The following ITGB8 variants were observed in gnomAD, a reference collection of about 807,000 sequenced individuals.
ITGB8 encodes the protein integrin subunit beta 8, also known as integrin beta-8.
Under a neutral mutation model 89.5 loss-of-function variants are expected in ITGB8, and 30 were observed. That is an observed-to-expected ratio of 0.34 (90% CI 0.25 to 0.45). The LOEUF is 0.45. Among genes scored for constraint, ITGB8 ranks in the 20% least tolerant of loss-of-function variants. The probability of loss-of-function intolerance (pLI) is 1.00; values close to 1 mark genes in which losing one functional copy is unlikely to be tolerated. For synonymous variants in ITGB8, 335 were observed against 320.4 expected (o/e 1.05, Z -0.49); for missense variants, 836 against 933.3 (o/e 0.90, Z 1.36).
At chr7:20,399,219 G>A (rs999542066) in intron 9 of ITGB8, among the ~76,000 whole-genome samples, 3 of 152,074 alleles carry the variant, frequency 2.0e-5, no homozygotes, top group Admixed American at 6.5e-5. Context: ...ATGTGTGTGC[G>A]TGTGTGTGTA....
In ITGB8 at chr7:20,331,329, C is replaced by T. The variant is rs1436785052; in HGVS notation, c.-478C>T. The T allele has an allele frequency of 5.1e-6, 2 of 389,062 alleles. No homozygotes were observed. The highest frequency in any genetic ancestry group is 4.1e-5 in the African/African-American group (2 of 48,382). 24.1% of individuals were successfully genotyped at this position (389,062 alleles called of 1,614,324 possible). A position where few individuals can be genotyped will look rare whatever the true frequency, so the allele number is the denominator to read the frequency against. On this transcript the variant is annotated 5_prime_UTR_variant, in exon 1 of 14. Transcript: ENST00000222573. ...CCCCTCGACCTCGCCGGCGTCCCCT[C>T]CCACAGATCCAGCATCACCCAGTGA...
Position 20,394,991 on chromosome 7 carries a change from T to C in ITGB8, c.1146+6T>C. The C allele has an allele frequency of 2.0e-6, 3 of 1,538,396 alleles. No individual in the cohort carries two copies. In the East Asian group the frequency reaches 6.7e-5, roughly 35 times the overall value. ...TGGTAGTGGAAGCCTATCAGGTATG[T>C]ATATATTAGATACAATTTTTTAAAT... On this transcript the variant is annotated splice_donor_region_variant and intron_variant, in intron 8 of 13. Transcript: ENST00000222573.
Position 20,377,608 on chromosome 7 carries a change from A to C in ITGB8, c.389-1443A>C, listed in dbSNP as rs1786207703. Among the ~76,000 whole-genome samples the C allele has an allele frequency of 2.0e-5, 3 of 152,368 alleles. No homozygotes were observed. In the South Asian group the frequency reaches 6.2e-4, roughly 32 times the overall value. ...TTTCTGTCAACAGAAGCCCAAAAGCAGAGCAGAATATAGGATATGCTCTCA... is the reference window on the plus strand; with the variant it reads ...TTTCTGTCAACAGAAGCCCAAAAGCCGAGCAGAATATAGGATATGCTCTCA... On this transcript the variant is annotated intron_variant, in intron 3 of 13. Transcript: ENST00000222573.
At chr7:20,367,242 C>T in intron 3 of ITGB8, 56 bp downstream of exon 3, 2 of 1,254,912 alleles carry the variant, frequency 1.6e-6, no homozygotes, top group African/African-American at 3.0e-5. Context: ...TTGCAATTTA[C>T]TTTAATTTGC....
intron 1 of ITGB8, among the ~76,000 whole-genome samples, chr7:20,353,952 A>AAAAAG (rs1785203398): frequency 6.8e-6 from 1 of 146,016 alleles, no homozygotes; most frequent in Non-Finnish European, 1.5e-5. Context: ...AAAAAAAAAA[A>AAAAAG]AAAAGAAAAC....
intron 1 of ITGB8, chr7:20,352,332 A>C (rs1452161940): frequency 6.6e-6 from 1 of 152,232 alleles, no homozygotes; most frequent in Non-Finnish European, 1.5e-5. Flanking sequence ...TCAGAAGACA[A>C]ATTGAAGTAT....
At position 20,410,139 on chromosome 7, in the gene ITGB8, A is replaced by G. The variant is rs891924781; in HGVS notation, c.*142A>G. The G allele has an allele frequency of 2.6e-6, 2 of 762,902 alleles. No homozygotes were observed. The highest frequency in any genetic ancestry group is 2.1e-6 in the Non-Finnish European group (1 of 470,558). 47.3% of individuals were successfully genotyped at this position (762,902 alleles called of 1,614,324 possible). ...TTGTACACTCGAACGAAGACTGACA[A>G]GTATCCTCATCATGATGTGACTCAC... On this transcript the variant is annotated 3_prime_UTR_variant, in exon 14 of 14. Transcript: ENST00000222573.
At chr7:20,366,209 C>G (rs1166983770) in intron 2 of ITGB8, 1 of 152,178 alleles carries the variant, frequency 6.6e-6, no homozygotes, top group African/African-American at 2.4e-5. Context: ...AATTCCCTTC[C>G]TCTCCTACCT....
In ITGB8 at chr7:20,401,807, T is replaced by C. The variant is rs1787322089; in HGVS notation, c.1368T>C (p.Asn456=). 1 of 1,612,732 alleles carries C rather than the reference T, an allele frequency of 6.2e-7. No individual in the cohort carries two copies. Among genetic ancestry groups the C allele is most frequent in the African/African-American group, 1.3e-5 (1 of 74,872 alleles). ...CAATAATCAAACCTATTGGTTTTAATGAAACCGCTAAAATTCATATACACA... is the reference window on the plus strand; with the variant it reads ...CAATAATCAAACCTATTGGTTTTAACGAAACCGCTAAAATTCATATACACA... ...NYAIIKPIGF[N]ETAKIHIHRN... Residue 456 remains asparagine, a synonymous_variant, in exon 10 of 14, where the codon AAT becomes AAC. Transcript: ENST00000222573.
intron 8 of ITGB8, among the ~76,000 whole-genome samples, chr7:20,397,256 ACT>A (rs1279518425): frequency 1.4e-5 from 2 of 146,446 alleles, no homozygotes; most frequent in Non-Finnish European, 3.0e-5. Context: ...ATGGAATTTT[ACT>A]CTGTCTTGCC....
intron 1 of ITGB8, among the ~76,000 whole-genome samples, chr7:20,349,261 A>T (rs1785033614): frequency 6.6e-6 from 1 of 152,082 alleles, no homozygotes; most frequent in Non-Finnish European, 1.5e-5. Context: ...TTTACTTTAG[A>T]GAACAGGATA....
At chr7:20,372,530 GAGAGAGAGAGACTT>G (rs200646226) in intron 3 of ITGB8, among the ~76,000 whole-genome samples, 2,914 of 152,126 alleles carry the variant, frequency 0.019, 48 homozygotes, top group Non-Finnish European at 0.028. Flanking sequence ...GTCTTGAGTT[GAGAGAGAGAGACTT>G]AAGCTATATG....
At chr7:20,404,602 T>C (rs1445065216) in intron 10 of ITGB8, 26 bp from the exon 11 acceptor site, 5 of 1,586,958 alleles carry the variant, frequency 3.2e-6, no homozygotes, top group East Asian at 2.3e-5. Context: ...CCAGATAACA[T>C]AGGTCCTGCG....
chr7:20,379,434 G>A (rs1400519033), intron 4 of ITGB8, 137 bp downstream of exon 4: 3 of 459,206 alleles, frequency 6.5e-6, no homozygotes, highest in Non-Finnish European at 1.0e-5. Context: ...GTGAGGTGGG[G>A]AGGTTTCTTC....
chr7:20,403,462 T>C (rs1787395814), intron 10 of ITGB8, among the ~76,000 whole-genome samples: 1 of 152,198 alleles, frequency 6.6e-6, no homozygotes, highest in Non-Finnish European at 1.5e-5. Context: ...AGAATCTGCT[T>C]TGAATTGTTT....
intron 6 of ITGB8, 109 bp downstream of exon 6, chr7:20,381,994 T>C: frequency 1.1e-6 from 1 of 898,152 alleles, no homozygotes; most frequent in South Asian, 1.7e-5. Flanking sequence ...AAAAGAAAGA[T>C]ACAGAACAAG....
chr7:20,399,393 A>G (rs982791203), intron 9 of ITGB8, among the ~76,000 whole-genome samples: 51 of 152,320 alleles, frequency 3.3e-4, no homozygotes, highest in African/African-American at 1.1e-3. Flanking sequence ...GTAAAATTGA[A>G]AGTCACATAT....
At position 20,375,501 on chromosome 7, in the gene ITGB8, G is replaced by T. The variant is rs114612345; in HGVS notation, c.389-3550G>T. 1.4e-3 allele frequency among the ~76,000 whole-genome samples: 216 copies of T among 152,148 alleles called. 3 individuals carry two copies. The highest frequency in any genetic ancestry group is 4.6e-3 in the African/African-American group (189 of 41,514). ...CAGAAAACTATTGAAAAGAATGAAGGATGGTAACAAAGTACATGAACAAAA... is the reference window on the plus strand; with the variant it reads ...CAGAAAACTATTGAAAAGAATGAAGTATGGTAACAAAGTACATGAACAAAA... On this transcript the variant is annotated intron_variant, in intron 3 of 13. Transcript: ENST00000222573.
At chr7:20,358,132 AT>A (rs775376323) in intron 1 of ITGB8, among the ~76,000 whole-genome samples, 5 of 151,492 alleles carry the variant, frequency 3.3e-5, no homozygotes, top group East Asian at 2.0e-4. Context: ...CACCCAGCTA[AT>A]TTTTTGTATC....
Sources: allele counts gnomAD v4.1 joint callset (sites outside exome capture counted in the v4.1 genomes callset), GRCh38; gene constraint gnomAD v4.1.1; transcripts MANE v1.5; gene names NCBI Gene and HGNC (gene_info 2026-07-23, HGNC 2026-07-21).